FKBP3: variants seen among roughly 807,000 people sequenced by gnomAD.
FKBP3 encodes FKBP prolyl isomerase 3.
Under a neutral mutation model 30.6 loss-of-function variants are expected in FKBP3, and 21 were observed. The observed-to-expected ratio is 0.69, with a 90% CI of 0.49 to 0.99. The LOEUF is 0.99. Ranked by LOEUF, FKBP3 falls within the 50% of genes least tolerant of loss-of-function variation. FKBP3 has a pLI of 0.00. For missense variants in FKBP3, 283 were observed against 261.6 expected (o/e 1.08, Z -0.56); for synonymous variants, 82 against 91.3 (o/e 0.90, Z 0.58).
chr14:45,131,159 A>C (rs914797991), intron 1 of FKBP3: 1 of 164,800 alleles, frequency 6.1e-6, no homozygotes, highest in Non-Finnish European at 1.3e-5. Flanking sequence ...AGCCCTTGAG[A>C]GCCTCCAGCC....
intron 5 of FKBP3, among the ~76,000 whole-genome samples, chr14:45,120,540 A>T (rs2139077977): frequency 6.6e-6 from 1 of 152,362 alleles, no homozygotes; most frequent in Non-Finnish European, 1.5e-5. Context: ...CCTTAAATTT[A>T]GAGGGCCAAA....
chr14:45,133,381 C>G, intron 1 of FKBP3: 1 of 257,948 alleles, frequency 3.9e-6, no homozygotes, highest in South Asian at 3.0e-5. Context: ...GCAGGAGAAT[C>G]GTTTGAACCC....
chr14:45,121,692 C>A, intron 3 of FKBP3, 72 bp from the exon 4 acceptor site: 1 of 1,507,512 alleles, frequency 6.6e-7, no homozygotes, highest in Non-Finnish European at 9.0e-7. Context: ...CAAACAATAG[C>A]CAACAATGAC....
chr14:45,124,532 TA>T (rs955651790), intron 3 of FKBP3, among the ~76,000 whole-genome samples: 234 of 148,580 alleles, frequency 1.6e-3, no homozygotes, highest in African/African-American at 5.2e-3. Context: ...AACTCTGTCT[TA>T]AAAAAAAAAT....
At position 45,134,432 on chromosome 14, in the gene FKBP3, C is replaced by G. The variant is rs750791403; in HGVS notation, c.25G>C (p.Ala9Pro). The change falls in exon 1 of 7, where the codon GCG becomes CCG. Residue 9 changes from alanine to proline, a missense_variant. Coordinates refer to ENST00000396062, the MANE Select transcript of FKBP3 (RefSeq NM_002013.4). MAAAVPQR[A>P]WTVEQLRSEQ... is the part of the protein sequence containing the mutation. ...CTGCGCAGCTGCTCCACGGTCCACG[C>G]CCGCTGTGGAACGGCCGCCGCCATC... 1.9e-6 allele frequency: 3 copies of G among 1,612,046 alleles called. No individual in the cohort carries two copies. The highest frequency in any genetic ancestry group is 2.2e-5 in the East Asian group (1 of 44,692).
Position 45,116,093 on chromosome 14 carries a change from A to T in FKBP3, c.*105T>A, listed in dbSNP as rs1884827099. On this transcript the variant is annotated 3_prime_UTR_variant, in exon 7 of 7. Coordinates refer to ENST00000396062, the MANE Select transcript of FKBP3 (RefSeq NM_002013.4). Reference sequence around the variant, plus strand: ...ATTAACTCCTTGAATTTTCCAGTTGACTCTTCCTTTACAATAGTAACAAGT... The same window carrying T: ...ATTAACTCCTTGAATTTTCCAGTTGTCTCTTCCTTTACAATAGTAACAAGT... 2 of 781,464 alleles carry T rather than the reference A, an allele frequency of 2.6e-6. No individual in the cohort carries two copies. The highest frequency in any genetic ancestry group is 4.3e-5 in the Admixed American group (2 of 47,008). The allele number at this position is 781,464 out of a possible 1,614,324, so 48.4% of individuals were successfully genotyped here.
At chr14:45,120,578 G>A (rs952646173) in intron 5 of FKBP3, among the ~76,000 whole-genome samples, 18 of 152,080 alleles carry the variant, frequency 1.2e-4, no homozygotes, top group African/African-American at 4.1e-4. Context: ...ACTTTATGAA[G>A]AAAAATAATA....
chr14:45,121,991 C>A (rs982253023), intron 3 of FKBP3, among the ~76,000 whole-genome samples: 2 of 152,074 alleles, frequency 1.3e-5, no homozygotes, highest in Non-Finnish European at 2.9e-5. Flanking sequence ...ACTTCCCCCC[C>A]ACAAAGATTT....
rs1020163650 is a variant in FKBP3 at position 45,121,771 on chromosome 14, T to C, written c.319-151A>G. On this transcript the variant is annotated intron_variant, in intron 3 of 6. Transcript: ENST00000396062. ...CAAACAAAACCCTCAGTATCTAATT[T>C]CAAGGCTGTGATGTGACTATTAGTA... The C allele has an allele frequency of 2.1e-5, 17 of 797,916 alleles. No individual in the cohort carries two copies. The East Asian group carries it at 3.9e-4, about 18-fold the overall frequency. 49.4% of individuals were successfully genotyped at this position (797,916 alleles called of 1,614,324 possible).
chr14:45,117,961 C>T lies in FKBP3; in HGVS notation c.620+67G>A. Reference sequence around the variant, plus strand: ...AAGTTTGCCTAGACAGCATCTTTCACATCCTCAAAGGTGATCTAGACGTTT... The same window carrying T: ...AAGTTTGCCTAGACAGCATCTTTCATATCCTCAAAGGTGATCTAGACGTTT... On this transcript the variant is annotated intron_variant, in intron 6 of 6. Transcript: ENST00000396062. 3 of 1,162,270 alleles carry T rather than the reference C, an allele frequency of 2.6e-6. No individual in the cohort carries two copies. In the South Asian group the frequency reaches 4.0e-5, roughly 16 times the overall value. 72.0% of individuals were successfully genotyped at this position (1,162,270 alleles called of 1,614,324 possible).
At chr14:45,124,220 G>C (rs983200596) in intron 3 of FKBP3, among the ~76,000 whole-genome samples, 3 of 152,106 alleles carry the variant, frequency 2.0e-5, no homozygotes, top group Non-Finnish European at 2.9e-5. Context: ...CAGTAGAGCA[G>C]GTGCATACAG....
chr14:45,122,661 G>A (rs554916589), intron 3 of FKBP3, among the ~76,000 whole-genome samples: 1 of 151,448 alleles, frequency 6.6e-6, no homozygotes, highest in Non-Finnish European at 1.5e-5. Flanking sequence ...CTGCCACCAC[G>A]CCCAGCTCAT....
intron 6 of FKBP3, 150 bp from the exon 7 acceptor site, chr14:45,116,402 A>G: frequency 1.8e-6 from 1 of 566,122 alleles, no homozygotes; most frequent in Non-Finnish European, 3.3e-6. Flanking sequence ...AAGTACTCCT[A>G]AATTAGCCAC....
Position 45,129,878 on chromosome 14 carries a change from T to C in FKBP3, c.234A>G (p.Ile78Met). ...TTTTTACTTGCTCAGACACTTTACT[T>C]ATACTTTCAGTACCCTTAAAACGCT... The part of the protein sequence containing the change: ...ETKRFKGTES[I>M]SKVSEQVKNV... The change falls in exon 3 of 7, where the codon ATA (isoleucine) becomes ATG (methionine). Residue 78 changes from isoleucine to methionine, a missense_variant. Ile to Met is a conservative substitution (Grantham distance 10). Transcript: ENST00000396062. The C allele has an allele frequency of 6.2e-7, 1 of 1,612,604 alleles. No homozygotes were observed. The highest frequency in any genetic ancestry group is 8.5e-7 in the Non-Finnish European group (1 of 1,179,082).
In FKBP3 at chr14:45,121,545, GAAC is replaced by G; in HGVS notation, c.391_393del (p.Val131del). ...TGTAGTGTTCCTGTATACCAGCAGT[GAAC>G]AACATCTCCCTTTTTGGGAAAGTTG... On this transcript the variant is annotated inframe_deletion, in exon 4 of 7. Transcript: ENST00000396062. 2 of 1,613,486 alleles carry G rather than the reference GAAC, an allele frequency of 1.2e-6. No homozygotes were observed. The highest frequency in any genetic ancestry group is 8.5e-7 in the Non-Finnish European group (1 of 1,179,578).
intron 5 of FKBP3, among the ~76,000 whole-genome samples, chr14:45,120,512 T>C (rs1474911816): frequency 6.6e-6 from 1 of 152,214 alleles, no homozygotes; most frequent in East Asian, 1.9e-4. Context: ...ACAACAGTTA[T>C]AAGACATTTT....
chr14:45,121,984 TC>T (rs1217474148), intron 3 of FKBP3, among the ~76,000 whole-genome samples: 2 of 152,000 alleles, frequency 1.3e-5, no homozygotes, highest in Non-Finnish European at 2.9e-5. Context: ...GATGGTGACT[TC>T]CCCCCCACAA....
At chr14:45,119,312 G>A (rs1884928419) in intron 5 of FKBP3, among the ~76,000 whole-genome samples, 1 of 152,142 alleles carries the variant, frequency 6.6e-6, no homozygotes. Context: ...GCTCGTGCCT[G>A]TAATCCCAGC....
chr14:45,126,256 G>T (rs71418438), intron 3 of FKBP3, among the ~76,000 whole-genome samples: 1 of 151,476 alleles, frequency 6.6e-6, no homozygotes, highest in African/African-American at 2.4e-5. Context: ...TTGGGAGGCC[G>T]AGGTGGGTGG....
Sources: gnomAD v4.1 joint callset for allele counts (sites outside exome capture counted in the v4.1 genomes callset) on GRCh38, gnomAD v4.1.1 for gene constraint, MANE v1.5 for transcripts, NCBI Gene and HGNC (gene_info 2026-07-23, HGNC 2026-07-21) for gene names.